Variants in BMP7 observed in about 807,000 individuals in gnomAD.
The protein encoded by BMP7 is osteogenic protein 1.
BMP7 carries 12 observed loss-of-function variants against 41.2 expected under a neutral mutation model. The observed-to-expected ratio is 0.29, with a 90% CI of 0.19 to 0.47. BMP7 has a LOEUF of 0.47. Ranked by LOEUF, BMP7 falls within the 20% of genes least tolerant of loss-of-function variation. The pLI is 0.99. For missense variants in BMP7, 467 were observed against 606.0 expected (o/e 0.77, Z 2.41); for synonymous variants, 248 against 250.0 (o/e 0.99, Z 0.07).
intron 3 of BMP7, among the ~76,000 whole-genome samples, chr20:57,187,520 A>G (rs2123071354): frequency 6.6e-6 from 1 of 151,132 alleles, no homozygotes; most frequent in Non-Finnish European, 1.5e-5. Flanking sequence ...CTGGAAAAGA[A>G]GCCTCCCACT....
intron 3 of BMP7, among the ~76,000 whole-genome samples, chr20:57,194,757 A>G (rs1283982106): frequency 6.6e-6 from 1 of 152,236 alleles, no homozygotes; most frequent in African/African-American, 2.4e-5. Context: ...CCACATTTAC[A>G]AAGGAGGAAA....
intron 1 of BMP7, among the ~76,000 whole-genome samples, chr20:57,234,030 C>A (rs1277472867): frequency 2.0e-5 from 3 of 152,178 alleles, no homozygotes; most frequent in Non-Finnish European, 4.4e-5. Context: ...AAAGTTGGGG[C>A]ATGGCTCATT....
chr20:57,209,513 G>T (rs771273785), intron 2 of BMP7, among the ~76,000 whole-genome samples: 1 of 151,986 alleles, frequency 6.6e-6, no homozygotes, highest in African/African-American at 2.4e-5. Flanking sequence ...GAAAATGGGG[G>T]TAACTGTTAG....
intron 1 of BMP7, among the ~76,000 whole-genome samples, chr20:57,264,757 A>G (rs1295337477): frequency 6.7e-6 from 1 of 150,304 alleles, no homozygotes; most frequent in African/African-American, 2.5e-5. Context: ...GGCAGGGCAC[A>G]GTGGCTCACG....
chr20:57,196,012 G>C lies in BMP7; in HGVS notation c.760+6463C>G, dbSNP rs368504888. ...CAACGAGGGAGTATAACATGAGGCAGACAAGGGCTCCCCGATCATCTTCTT... is the reference window on the plus strand; with the variant it reads ...CAACGAGGGAGTATAACATGAGGCACACAAGGGCTCCCCGATCATCTTCTT... On this transcript the variant is annotated intron_variant, in intron 3 of 6. Coordinates refer to ENST00000395863, the MANE Select transcript of BMP7 (RefSeq NM_001719.3). Among the ~76,000 whole-genome samples the C allele has an allele frequency of 1.1e-3, 164 of 152,316 alleles. 1 individual carries two copies. The South Asian group carries it at 0.025, about 23-fold the overall frequency.
At chr20:57,222,691 T>C (rs1029405487) in intron 2 of BMP7, among the ~76,000 whole-genome samples, 6 of 152,070 alleles carry the variant, frequency 3.9e-5, no homozygotes, top group African/African-American at 1.4e-4. Flanking sequence ...CTGAAAAGGC[T>C]ACTCAGGAAG....
intron 3 of BMP7, among the ~76,000 whole-genome samples, chr20:57,187,318 C>T (rs1180908834): frequency 6.6e-6 from 1 of 152,178 alleles, no homozygotes. Flanking sequence ...ACTCATCTGT[C>T]CCCCCTTTCC....
intron 1 of BMP7, among the ~76,000 whole-genome samples, chr20:57,250,630 G>T (rs2066108545): frequency 6.6e-6 from 1 of 151,616 alleles, no homozygotes; most frequent in Non-Finnish European, 1.5e-5. Flanking sequence ...GACATGAATG[G>T]TGTTCAAAGA....
chr20:57,208,188 T>C (rs979097077), intron 2 of BMP7, among the ~76,000 whole-genome samples: 3 of 152,204 alleles, frequency 2.0e-5, no homozygotes, highest in African/African-American at 7.2e-5. Context: ...CTTTCTTATA[T>C]AATTTGATCA....
At chr20:57,225,360 G>A (rs965919635) in intron 2 of BMP7, among the ~76,000 whole-genome samples, 17 of 152,184 alleles carry the variant, frequency 1.1e-4, no homozygotes, top group Non-Finnish European at 2.5e-4. Context: ...CACCACCCAG[G>A]GCTCTTGTCT....
At chr20:57,264,780 G>T (rs1600650198) in intron 1 of BMP7, among the ~76,000 whole-genome samples, 6 of 152,006 alleles carry the variant, frequency 3.9e-5, no homozygotes. Flanking sequence ...TGTAATCCCA[G>T]CACCACTTTG....
chr20:57,194,059 C>T (rs1190581297), intron 3 of BMP7, among the ~76,000 whole-genome samples: 2 of 152,214 alleles, frequency 1.3e-5, no homozygotes, highest in Non-Finnish European at 2.9e-5. Context: ...CCCTGCAGCT[C>T]CTGCTGGGGA....
rs1053336527 is a variant in BMP7, at chr20:57,174,851, A to C, written c.1035+80T>G. ...TCTTAACTGGCAGAGATGAGAAACA[A>C]GACTGAGCACAGACCCGCTGCCTCG... On this transcript the variant is annotated intron_variant, in intron 5 of 6. Transcript: ENST00000395863. This position sits in a 1 kb window ranked among gnomAD's most constrained non-coding sequence, Gnocchi z 4.3. 9 of 1,455,938 alleles carry C rather than the reference A, an allele frequency of 6.2e-6. No individual in the cohort carries two copies. The African/African-American group carries it at 1.3e-4, about 21-fold the overall frequency. 90.2% of individuals were successfully genotyped at this position (1,455,938 alleles called of 1,614,324 possible).
At chr20:57,246,097 T>C (rs2066089908) in intron 1 of BMP7, among the ~76,000 whole-genome samples, 1 of 152,242 alleles carries the variant, frequency 6.6e-6, no homozygotes, top group African/African-American at 2.4e-5. Context: ...TACACACTGG[T>C]TACCCTGTGT....
At chr20:57,212,228 G>C (rs140870434) in intron 2 of BMP7, among the ~76,000 whole-genome samples, 50 of 152,368 alleles carry the variant, frequency 3.3e-4, no homozygotes, top group East Asian at 7.7e-4. Context: ...TCTCCCGAAG[G>C]GGGTCAGAGG....
chr20:57,248,205 A>C (rs1339136164), intron 1 of BMP7, among the ~76,000 whole-genome samples: 1 of 152,236 alleles, frequency 6.6e-6, no homozygotes, highest in African/African-American at 2.4e-5. Flanking sequence ...CATCACATGT[A>C]CAAATAACTT....
Position 57,216,154 on chromosome 20 carries a change from G to T in BMP7, c.611+12075C>A, listed in dbSNP as rs142187865. On this transcript the variant is annotated intron_variant, in intron 2 of 6. Transcript: ENST00000395863. ...GAAGCCGGGGGGGTCCAGGAAGGGG[G>T]CAGGCTGAGGACATCAGCTTGCACT... Among the ~76,000 whole-genome samples the T allele has an allele frequency of 4.2e-3, 641 of 152,214 alleles. 5 individuals are homozygous for T. The highest frequency in any genetic ancestry group is 0.014 in the African/African-American group (578 of 41,534).
Position 57,170,867 on chromosome 20 carries a change from C to G in BMP7, c.*92G>C, listed in dbSNP as rs913915266. On this transcript the variant is annotated 3_prime_UTR_variant, in exon 7 of 7. Transcript: ENST00000395863. ...TGGGGATAGGGAGGGGAAGGTCTCA[C>G]AAAAGGCAGTTGGTCTGCTGGTTCC... is the stretch of plus-strand genomic sequence containing the variant. 4 of 1,529,354 alleles carry G rather than the reference C, an allele frequency of 2.6e-6. No homozygotes were observed. The African/African-American group carries it at 5.5e-5, about 21-fold the overall frequency. The allele number at this position is 1,529,354 out of a possible 1,614,324, so 94.7% of individuals were successfully genotyped here.
chr20:57,200,238 A>C (rs1984590267), intron 3 of BMP7, among the ~76,000 whole-genome samples: 1 of 152,196 alleles, frequency 6.6e-6, no homozygotes, highest in Admixed American at 6.5e-5. Context: ...GGAAACTATT[A>C]TTAACCCCAT....
Sources: allele counts gnomAD v4.1 joint callset (sites outside exome capture counted in the v4.1 genomes callset), GRCh38; gene constraint gnomAD v4.1.1; non-coding constraint Gnocchi (gnomAD v3.1); transcripts MANE v1.5; gene names NCBI Gene and HGNC (gene_info 2026-07-23, HGNC 2026-07-21).